CDH19: variants seen among roughly 807,000 people sequenced by gnomAD.
CDH19 encodes cadherin-19.
In CDH19, 67 loss-of-function variants were observed where a neutral mutation model predicts 64.2. That is an observed-to-expected ratio of 1.04 (90% CI 0.86 to 1.28). The LOEUF (loss-of-function observed/expected upper bound fraction) is 1.28, where lower values mean the gene tolerates loss of function less well. Among genes scored for constraint, CDH19 ranks in the 50% most tolerant of loss-of-function variants. CDH19 has a pLI of 0.00. For missense variants in CDH19, 1,030 were observed against 929.0 expected, an observed-to-expected ratio of 1.11 and a Z score of -1.41; for synonymous variants, 346 against 319.3, an observed-to-expected ratio of 1.08 and a Z score of -0.89.
At chr18:66,537,117 C>A (rs1598991914) in intron 7 of CDH19, among the ~76,000 whole-genome samples, 1 of 151,768 alleles carries the variant, frequency 6.6e-6, no homozygotes, top group African/African-American at 2.4e-5. Flanking sequence ...ATAAATTAAT[C>A]GCTATAATTT....
At chr18:66,571,397 G>A (rs1399651599) in intron 2 of CDH19, among the ~76,000 whole-genome samples, 1 of 151,506 alleles carries the variant, frequency 6.6e-6, no homozygotes, top group African/African-American at 2.4e-5. Flanking sequence ...TTATGGAAAA[G>A]GACATGATAT....
intron 3 of CDH19, among the ~76,000 whole-genome samples, chr18:66,557,170 C>A (rs965239624): frequency 6.6e-6 from 1 of 151,922 alleles, no homozygotes; most frequent in Non-Finnish European, 1.5e-5. Context: ...ACTCTCATTT[C>A]TCTTGATTTC....
chr18:66,547,636 A>G (rs1246140203), intron 5 of CDH19, among the ~76,000 whole-genome samples: 1 of 148,452 alleles, frequency 6.7e-6, no homozygotes, highest in Admixed American at 6.7e-5. Context: ...AGCTGGAATC[A>G]GGAGTTCAGT....
intron 1 of CDH19, among the ~76,000 whole-genome samples, chr18:66,572,542 A>G (rs1304561595): frequency 2.0e-5 from 3 of 151,770 alleles, no homozygotes; most frequent in Non-Finnish European, 4.4e-5. Flanking sequence ...AACTGCAGTC[A>G]TAAATCTGCC....
In CDH19 at chr18:66,604,078, T is replaced by C. The variant is rs1329095182; in HGVS notation, c.-237A>G. 1 of 152,122 alleles carries C rather than the reference T, an allele frequency of 6.6e-6. No homozygotes were observed. Among genetic ancestry groups the C allele is most frequent in the Non-Finnish European group, 1.5e-5 (1 of 68,024 alleles). The allele number at this position is 152,122 out of a possible 1,614,324, so 9.4% of individuals were successfully genotyped here. A position where few individuals can be genotyped will look rare whatever the true frequency, so the allele number is the denominator to read the frequency against. The stretch of plus-strand genomic sequence containing the variant: ...CACAGTCTTCTCAGCAAACTCTCGA[T>C]GTGCCCCATTGCCCAGAGTTACAGA... On this transcript the variant is annotated 5_prime_UTR_variant, in exon 1 of 12. Transcript: ENST00000262150.
intron 1 of CDH19, among the ~76,000 whole-genome samples, chr18:66,577,741 G>A (rs746530512): frequency 5.9e-5 from 9 of 151,884 alleles, no homozygotes; most frequent in Non-Finnish European, 1.2e-4. Flanking sequence ...GTCTTAAAAT[G>A]ATACACATTT....
At chr18:66,581,796 T>A (rs1027192400) in intron 1 of CDH19, among the ~76,000 whole-genome samples, 1 of 152,098 alleles carries the variant, frequency 6.6e-6, no homozygotes. Context: ...AGAGGGCCTA[T>A]CTGGGACTTC....
chr18:66,554,504 T>C lies in CDH19; in HGVS notation c.511A>G (p.Thr171Ala), dbSNP rs1036825127. ...GAGGGATCGTCAGCATCACTTGCTG[T>C]CACCTGGATAACTAATGTTCCTAAA... is the stretch of plus-strand genomic sequence containing the variant. Reference protein sequence around the residue: ...SPEGTLVIQVTASDADDPSSG... With the variant: ...SPEGTLVIQVAASDADDPSSG... Residue 171 changes from threonine to alanine, a missense_variant, in exon 4 of 12, where the codon ACA becomes GCA. Coordinates refer to ENST00000262150, the MANE Select transcript of CDH19 (RefSeq NM_021153.4). The C allele has an allele frequency of 7.4e-6, 12 of 1,610,756 alleles. No individual in the cohort carries two copies. In the Admixed American group the frequency reaches 2.0e-4, roughly 27 times the overall value.
chr18:66,548,259 ATATT>A (rs1568191807), intron 5 of CDH19, among the ~76,000 whole-genome samples: 2 of 42,634 alleles, frequency 4.7e-5, no homozygotes, highest in African/African-American at 1.4e-4. Context: ...ATATATATAT[ATATT>A]TTTTTAAAAA....
intron 4 of CDH19, among the ~76,000 whole-genome samples, chr18:66,552,782 T>G (rs2144518915): frequency 7.4e-6 from 1 of 134,612 alleles, no homozygotes; most frequent in Non-Finnish European, 1.5e-5. Context: ...AGTTAAAAAG[T>G]CAGTGTGCAG....
chr18:66,529,711 T>C, intron 9 of CDH19, 134 bp downstream of exon 9: 1 of 227,140 alleles, frequency 4.4e-6, no homozygotes, highest in Non-Finnish European at 8.7e-6. Context: ...ACAATAATTA[T>C]ATAAATTATA....
At chr18:66,602,073 G>A (rs1989050743) in intron 1 of CDH19, among the ~76,000 whole-genome samples, 1 of 151,838 alleles carries the variant, frequency 6.6e-6, no homozygotes, top group Non-Finnish European at 1.5e-5. Context: ...AAATCGTCGT[G>A]ACAACAAATT....
At chr18:66,509,514 ATAC>A (rs1985367814) in intron 10 of CDH19, among the ~76,000 whole-genome samples, 1 of 151,774 alleles carries the variant, frequency 6.6e-6, no homozygotes, top group Non-Finnish European at 1.5e-5. Context: ...TATTGAGTTG[ATAC>A]TACTTATTTA....
At chr18:66,505,343 G>A (rs1313648199) in intron 11 of CDH19, 41 bp from the exon 12 acceptor site, 3 of 1,455,912 alleles carry the variant, frequency 2.1e-6, no homozygotes, top group African/African-American at 2.8e-5. Flanking sequence ...AAACAATAAA[G>A]AGTATTATAA....
rs1330762037 is a variant in CDH19, at chr18:66,530,101, T to G, written c.1337-135A>C. The G allele has an allele frequency of 1.8e-5, 7 of 385,410 alleles. No individual in the cohort carries two copies. The Admixed American group carries it at 2.8e-4, about 15-fold the overall frequency. 23.9% of individuals were successfully genotyped at this position (385,410 alleles called of 1,614,324 possible). A position where few individuals can be genotyped will look rare whatever the true frequency, so the allele number is the denominator to read the frequency against. The stretch of plus-strand genomic sequence containing the variant: ...AAAAAAGCAATCTGAGGACAGGATA[T>G]CTATATGATTCACCTACTTATCAAC... On this transcript the variant is annotated intron_variant, in intron 8 of 11. Coordinates refer to ENST00000262150, the MANE Select transcript of CDH19 (RefSeq NM_021153.4).
rs542025456 is a variant in CDH19 at position 66,523,948 on chromosome 18, G to T, written c.1458+5897C>A. Among the ~76,000 whole-genome samples the T allele has an allele frequency of 2.0e-5, 3 of 152,046 alleles. No homozygotes were observed. In the South Asian group the frequency reaches 6.2e-4, roughly 32 times the overall value. On this transcript the variant is annotated intron_variant, in intron 9 of 11. Transcript: ENST00000262150. ...GGGGGGCGTAATTCCTGTGCACAGC[G>T]CAGGACCTTGTTAAGCAGGTATTGA...
intron 9 of CDH19, among the ~76,000 whole-genome samples, chr18:66,519,136 C>G (rs1302805138): frequency 3.3e-5 from 5 of 152,294 alleles, no homozygotes; most frequent in African/African-American, 9.6e-5. Flanking sequence ...TTAACCTGCT[C>G]CACTCTCATC....
intron 5 of CDH19, among the ~76,000 whole-genome samples, chr18:66,545,605 T>C (rs1420253407): frequency 1.3e-5 from 2 of 152,154 alleles, no homozygotes; most frequent in Non-Finnish European, 2.9e-5. Flanking sequence ...TTTTTTATTG[T>C]AACCTTCAAC....
In CDH19 at chr18:66,509,140, TGTAA is replaced by T; in HGVS notation, c.1679_1682del (p.Leu560GlnfsTer46). On this transcript the variant is annotated frameshift_variant, in exon 11 of 12. Coordinates refer to ENST00000262150, the MANE Select transcript of CDH19 (RefSeq NM_021153.4). LOFTEE classifies it high-confidence loss of function. Reference sequence around the variant, plus strand: ...CATGGATGGTAAGGGTGTTTGTACTTGTAAGTGACGGGATTCCATTGTCGGCAAT... The same window carrying T: ...CATGGATGGTAAGGGTGTTTGTACTTGTGACGGGATTCCATTGTCGGCAAT... The T allele has an allele frequency of 6.2e-7, 1 of 1,612,954 alleles. No homozygotes were observed. Among genetic ancestry groups the T allele is most frequent in the East Asian group, 2.2e-5 (1 of 44,854 alleles).
Sources: gnomAD v4.1 joint callset for allele counts (sites outside exome capture counted in the v4.1 genomes callset) on GRCh38, gnomAD v4.1.1 for gene constraint, MANE v1.5 for transcripts, NCBI Gene and HGNC (gene_info 2026-07-23, HGNC 2026-07-21) for gene names.